The following AOX1 variants were observed in gnomAD, a reference collection of about 807,000 sequenced individuals.
AOX1 encodes the protein aldehyde oxidase 1, also known as aldehyde oxidase.
AOX1 carries 153 observed loss-of-function variants against 169.5 expected under a neutral mutation model. That is an observed-to-expected ratio of 0.90 (90% CI 0.79 to 1.03). AOX1 has a LOEUF of 1.03. AOX1 is among the 50% of genes least tolerant of loss of function. AOX1 has a pLI of 0.00. For synonymous variants in AOX1, 562 were observed against 581.9 expected (o/e 0.97, Z 0.49); for missense variants, 1,656 against 1,663.9 (o/e 1.00, Z 0.08).
chr2:200,640,557 A>G (rs553675419), intron 23 of AOX1, among the ~76,000 whole-genome samples: 1 of 152,312 alleles, frequency 6.6e-6, no homozygotes, highest in South Asian at 2.1e-4. Context: ...AACCGCAAAC[A>G]TGACTTGGAG....
chr2:200,679,656 GC>G (rs35141860), downstream of AOX1, among the ~76,000 whole-genome samples: 596 of 149,780 alleles, frequency 4.0e-3, 2 homozygotes, highest in African/African-American at 0.014. Context: ...AGGTAGTGAC[GC>G]CCCCCCCCGA....
rs778885103 is a variant in AOX1 at position 200,642,644 on chromosome 2, C to T, written c.2690C>T (p.Ala897Val). ...ATGGGACTTCTGAAAATGGACAATG[C>T]TTACAAGTTTCCCAATCTCCGCTGC... is the stretch of plus-strand genomic sequence containing the variant. ...IEMGLLKMDN[A>V]YKFPNLRCRG... Residue 897 changes from alanine to valine, a missense_variant, in exon 25 of 35, where the codon GCT becomes GTT. Ala to Val is a moderately conservative substitution (Grantham distance 64). Transcript: ENST00000374700. 5.0e-6 allele frequency: 8 copies of T among 1,613,952 alleles called. No individual in the cohort carries two copies. Among genetic ancestry groups the T allele is most frequent in the Non-Finnish European group, 1.7e-6 (2 of 1,179,990 alleles).
In AOX1 at chr2:200,637,022, G is replaced by A. The variant is rs756261449; in HGVS notation, c.2458G>A (p.Val820Ile). 71 of 1,613,958 alleles carry A rather than the reference G, an allele frequency of 4.4e-5. No homozygotes were observed. Among genetic ancestry groups the A allele is most frequent in the Admixed American group, 3.5e-4 (21 of 59,992 alleles). The change falls in exon 22 of 35, where the codon GTC (valine) becomes ATC (isoleucine). Residue 820 changes from valine (V) to isoleucine (I), a missense_variant. Coordinates refer to ENST00000374700, the MANE Select transcript of AOX1 (RefSeq NM_001159.4). ...KVLKTGIIAA[V>I]TAFAANKHGR... is the part of the protein sequence containing the mutation. ...GTTAAAAACCGGAATCATTGCAGCC[G>A]TCACTGCATTTGCCGCAAACAAGTA...
In AOX1 at chr2:200,627,446, G is replaced by T. The variant is rs550616836; in HGVS notation, c.2218G>T (p.Glu740Ter). ...ATTTAAAGTGGTTGATCAAATTCTTGAAGGTAAAAAGTAATGGAAGAGTAA... is the reference window on the plus strand; with the variant it reads ...ATTTAAAGTGGTTGATCAAATTCTTTAAGGTAAAAAGTAATGGAAGAGTAA... Reference protein sequence around the residue: ...EAFKVVDQILEGEIHMGGQEH... With the variant: ...EAFKVVDQIL Residue 740 changes from glutamate (E) to a stop codon, truncating the protein, a stop_gained, in exon 20 of 35, where the codon GAA (glutamate) becomes TAA (stop). Coordinates refer to ENST00000374700, the MANE Select transcript of AOX1 (RefSeq NM_001159.4). LOFTEE classifies it high-confidence loss of function. 4 of 1,609,408 alleles carry T rather than the reference G, an allele frequency of 2.5e-6. No individual in the cohort carries two copies. The highest frequency in any genetic ancestry group is 1.1e-5 in the South Asian group (1 of 90,934).
intron 18 of AOX1, among the ~76,000 whole-genome samples, chr2:200,623,431 C>A (rs528242507): frequency 6.6e-6 from 1 of 152,370 alleles, no homozygotes; most frequent in South Asian, 2.1e-4. Flanking sequence ...GGGGACTCCC[C>A]TTCCCAGGTC....
intron 4 of AOX1, among the ~76,000 whole-genome samples, chr2:200,599,325 C>CT (rs2034354405): frequency 6.6e-6 from 1 of 152,182 alleles, no homozygotes; most frequent in Non-Finnish European, 1.5e-5. Flanking sequence ...CCCAGAGACT[C>CT]TGTCAGTTGG....
At position 200,670,721 on chromosome 2, in the gene AOX1, A is replaced by G; in HGVS notation, c.*42A>G. The G allele has an allele frequency of 6.6e-7, 1 of 1,524,442 alleles. No homozygotes were observed. The allele number at this position is 1,524,442 out of a possible 1,614,324, so 94.4% of individuals were successfully genotyped here. On this transcript the variant is annotated 3_prime_UTR_variant, in exon 35 of 35. Transcript: ENST00000374700. The stretch of plus-strand genomic sequence containing the variant: ...TGGAGAAAACAGAGTGCCTCTTCCC[A>G]GATGGCAATCTGTCCTATCTCTGTG...
At position 200,602,303 on chromosome 2, in the gene AOX1, T is replaced by A; in HGVS notation, c.456T>A (p.Thr152=). The change falls in exon 6 of 35, where the codon ACT becomes ACA. Residue 152 remains threonine, a synonymous_variant. Coordinates refer to ENST00000374700, the MANE Select transcript of AOX1 (RefSeq NM_001159.4). ...CTTCAGGTAACCTGTGCCGTTGCAC[T>A]GGATACAGGCCCATAATTGATGCAT... ...DALGGNLCRC[T]GYRPIIDACK... is the part of the protein sequence containing the mutation. 6.2e-7 allele frequency: 1 copy of A among 1,613,942 alleles called. No homozygotes were observed. The highest frequency in any genetic ancestry group is 8.5e-7 in the Non-Finnish European group (1 of 1,179,944).
At chr2:200,632,005 GTC>G (rs770238534) in intron 20 of AOX1, among the ~76,000 whole-genome samples, 4 of 152,078 alleles carry the variant, frequency 2.6e-5, no homozygotes, top group Non-Finnish European at 4.4e-5. Flanking sequence ...AAGATAGGAA[GTC>G]CAGATTGCAA....
At chr2:200,591,354 G>C (rs2034167984) in intron 1 of AOX1, among the ~76,000 whole-genome samples, 1 of 152,196 alleles carries the variant, frequency 6.6e-6, no homozygotes, top group African/African-American at 2.4e-5. Flanking sequence ...ATGCAAAAGG[G>C]TATTTTAGGT....
chr2:200,639,229 A>C (rs2035302851), intron 23 of AOX1, among the ~76,000 whole-genome samples: 1 of 152,234 alleles, frequency 6.6e-6, no homozygotes, highest in African/African-American at 2.4e-5. Context: ...ACAAACTCTG[A>C]GTCTTCCAGG....
At chr2:200,608,738 C>T (rs1293709979) in intron 10 of AOX1, among the ~76,000 whole-genome samples, 1 of 151,752 alleles carries the variant, frequency 6.6e-6, no homozygotes, top group Non-Finnish European at 1.5e-5. Flanking sequence ...ATCATTACCC[C>T]ACCTTCATCA....
exon 5 of AOX1, chr2:200,676,986 A>G (rs1206424758): frequency 6.4e-6 from 3 of 467,962 alleles, no homozygotes. Context: ...AAGGCGTCAG[A>G]TGAACTTGGT....
chr2:200,623,117 T>C (rs140520493), intron 18 of AOX1, among the ~76,000 whole-genome samples: 170 of 152,350 alleles, frequency 1.1e-3, no homozygotes, highest in African/African-American at 3.9e-3. Flanking sequence ...AGTGATTACA[T>C]TGAAATTGTG....
intron 10 of AOX1, among the ~76,000 whole-genome samples, chr2:200,608,633 A>G (rs765169124): frequency 6.6e-6 from 1 of 152,162 alleles, no homozygotes; most frequent in Non-Finnish European, 1.5e-5. Context: ...GAGATTATCT[A>G]AAGCATTCAA....
downstream of AOX1, among the ~76,000 whole-genome samples, chr2:200,681,148 A>G (rs1443414113): frequency 6.6e-6 from 1 of 152,168 alleles, no homozygotes; most frequent in Non-Finnish European, 1.5e-5. Flanking sequence ...CACTAGGCTG[A>G]CATTGAGGAC....
chr2:200,668,861 G>C, intron 33 of AOX1, 58 bp downstream of exon 33: 1 of 1,466,054 alleles, frequency 6.8e-7, no homozygotes, highest in Non-Finnish European at 9.4e-7. Flanking sequence ...TGGGTGACAG[G>C]AAGGCTACAT....
intron 25 of AOX1, among the ~76,000 whole-genome samples, chr2:200,644,671 C>G (rs1189420168): frequency 1.3e-5 from 2 of 152,176 alleles, no homozygotes; most frequent in Admixed American, 6.5e-5. Context: ...GTTGATTCTA[C>G]CCATCCATGA....
chr2:200,673,819 C>T (rs1302952751), downstream of AOX1, among the ~76,000 whole-genome samples: 1 of 152,170 alleles, frequency 6.6e-6, no homozygotes, highest in African/African-American at 2.4e-5. Context: ...TGTTCCCTTC[C>T]CTTTTCCTGT....
Sources: gnomAD v4.1 joint callset for allele counts (sites outside exome capture counted in the v4.1 genomes callset) on GRCh38, gnomAD v4.1.1 for gene constraint, MANE v1.5 for transcripts, NCBI Gene and HGNC (gene_info 2026-07-23, HGNC 2026-07-21) for gene names.